The following TRPC4AP variants were observed in gnomAD, a reference collection of about 807,000 sequenced individuals.
TRPC4AP encodes transient receptor potential cation channel subfamily C member 4 associated protein.
TRPC4AP carries 45 observed loss-of-function variants against 99.0 expected under a neutral mutation model. That is an observed-to-expected ratio of 0.45 (90% CI 0.36 to 0.58). The LOEUF (loss-of-function observed/expected upper bound fraction) is 0.58. Ranked by LOEUF, TRPC4AP falls within the 20% of genes least tolerant of loss-of-function variation. TRPC4AP has a pLI of 0.00. For synonymous variants in TRPC4AP, 408 were observed against 385.8 expected, an observed-to-expected ratio of 1.06 and a Z score of -0.67; for missense variants, 879 against 985.3, an observed-to-expected ratio of 0.89 and a Z score of 1.44.
chr20:35,078,233 G>A (rs1022834188), intron 1 of TRPC4AP, 59 bp from the exon 2 acceptor site: 62 of 1,558,270 alleles, frequency 4.0e-5, no homozygotes, highest in African/African-American at 1.5e-4. Context: ...TAGCTGATAC[G>A]GCAAAGGAGA....
At chr20:35,068,932 T>G in intron 3 of TRPC4AP, among the ~76,000 whole-genome samples, 2 of 134,980 alleles carry the variant, frequency 1.5e-5, no homozygotes, top group Admixed American at 1.5e-4. Flanking sequence ...AAGGTGGAGG[T>G]GGTGGGGAAT....
intron 2 of TRPC4AP, among the ~76,000 whole-genome samples, chr20:35,073,680 T>C (rs1031195710): frequency 1.3e-5 from 2 of 152,230 alleles, no homozygotes; most frequent in African/African-American, 4.8e-5. Context: ...TTGCCAGTAT[T>C]TTATTGAGGA....
intron 2 of TRPC4AP, among the ~76,000 whole-genome samples, chr20:35,072,071 C>T (rs1295363764): frequency 6.6e-6 from 1 of 152,204 alleles, no homozygotes; most frequent in Non-Finnish European, 1.5e-5. Context: ...CTGTTGGCTG[C>T]ATAAACGTCT....
intron 7 of TRPC4AP, among the ~76,000 whole-genome samples, chr20:35,037,189 T>C (rs1487237832): frequency 6.7e-6 from 1 of 150,224 alleles, no homozygotes; most frequent in Non-Finnish European, 1.5e-5. Flanking sequence ...TACTAAGAAG[T>C]ACAAAAAATT....
chr20:35,024,833 A>C lies in TRPC4AP; in HGVS notation c.1052-3477T>G, dbSNP rs1242554930. ...ACAGAGAGAGACCGTCTCAAAAAAA[A>C]AAAAAAAAAAAAAAAAAAAAAATTC... On this transcript the variant is annotated intron_variant, in intron 8 of 18. Transcript: ENST00000252015. 6.1e-4 allele frequency among the ~76,000 whole-genome samples: 51 copies of C among 83,960 alleles called. 6 individuals are homozygous for C. Among genetic ancestry groups the C allele is most frequent in the African/African-American group, 1.6e-3 (41 of 25,192 alleles). The allele number at this position is 83,960 out of a possible 152,430, so 55.1% of individuals were successfully genotyped here.
chr20:35,072,001 A>G (rs1037673249), intron 2 of TRPC4AP, among the ~76,000 whole-genome samples: 95 of 152,220 alleles, frequency 6.2e-4, no homozygotes, highest in African/African-American at 2.2e-3. Flanking sequence ...ATGGTATCTC[A>G]TTGTGGTTTT....
At chr20:35,029,236 G>A (rs1475126000) in intron 8 of TRPC4AP, among the ~76,000 whole-genome samples, 1 of 152,168 alleles carries the variant, frequency 6.6e-6, no homozygotes, top group Non-Finnish European at 1.5e-5. Context: ...GTGACAGAGT[G>A]AGACTCTGTC....
chr20:35,036,102 A>T (rs2083310354), intron 7 of TRPC4AP, among the ~76,000 whole-genome samples: 1 of 152,242 alleles, frequency 6.6e-6, no homozygotes, highest in African/African-American at 2.4e-5. Flanking sequence ...ATCTCATTTT[A>T]TTCACAATGA....
At chr20:35,059,073 G>A (rs966469541) in intron 3 of TRPC4AP, among the ~76,000 whole-genome samples, 4 of 152,174 alleles carry the variant, frequency 2.6e-5, no homozygotes, top group Middle Eastern at 3.4e-3. Context: ...GCAAGCAAAA[G>A]GGAGAATAAG....
intron 2 of TRPC4AP, among the ~76,000 whole-genome samples, chr20:35,071,814 TGG>T (rs1368862791): frequency 6.6e-6 from 1 of 152,214 alleles, no homozygotes. Context: ...ATGGGATGGC[TGG>T]GTCAAATGGT....
chr20:35,079,153 T>TA (rs2084560128), intron 1 of TRPC4AP, among the ~76,000 whole-genome samples: 1 of 152,080 alleles, frequency 6.6e-6, no homozygotes, highest in Non-Finnish European at 1.5e-5. Context: ...GCAGGCTTCA[T>TA]AAAAAAATTA....
In TRPC4AP at chr20:35,092,552, CG is replaced by C. The variant is rs2085103845; in HGVS notation, c.168+61del. 3 of 1,412,180 alleles carry C rather than the reference CG, an allele frequency of 2.1e-6. No homozygotes were observed. The South Asian group carries it at 4.5e-5, about 21-fold the overall frequency. 87.5% of individuals were successfully genotyped at this position (1,412,180 alleles called of 1,614,324 possible). A position where few individuals can be genotyped will look rare whatever the true frequency, so the allele number is the denominator to read the frequency against. On this transcript the variant is annotated intron_variant, in intron 1 of 18. Transcript: ENST00000252015. ...CGGCGGCCTGGAAAGGCCTCTTCCC[CG>C]GCCCCCCGCCAGCTCCCGCCTGGTC... is the stretch of plus-strand genomic sequence containing the variant.
intron 3 of TRPC4AP, among the ~76,000 whole-genome samples, chr20:35,067,605 C>T (rs1201092781): frequency 1.3e-5 from 2 of 152,124 alleles, no homozygotes; most frequent in Non-Finnish European, 2.9e-5. Context: ...AGCAAAAAGA[C>T]GGAGGCAATC....
At chr20:35,090,785 T>C (rs992911787) in intron 1 of TRPC4AP, among the ~76,000 whole-genome samples, 5 of 152,200 alleles carry the variant, frequency 3.3e-5, no homozygotes, top group Non-Finnish European at 7.3e-5. Flanking sequence ...TGGCTCCCTA[T>C]TATTCTCAGA....
intron 5 of TRPC4AP, among the ~76,000 whole-genome samples, chr20:35,052,243 T>C (rs1261564886): frequency 6.7e-6 from 1 of 149,478 alleles, no homozygotes; most frequent in Non-Finnish European, 1.5e-5. Context: ...GGGACTATGG[T>C]ATATAACACC....
intron 2 of TRPC4AP, among the ~76,000 whole-genome samples, chr20:35,077,634 A>G (rs1463978583): frequency 6.6e-6 from 1 of 152,108 alleles, no homozygotes; most frequent in Non-Finnish European, 1.5e-5. Flanking sequence ...CAATCATCAA[A>G]CCTGGCCCCT....
intron 11 of TRPC4AP, 105 bp downstream of exon 11, chr20:35,012,903 G>A (rs2082669850): frequency 8.4e-7 from 1 of 1,195,344 alleles, no homozygotes. Context: ...GCTTCCACCA[G>A]CTCCAGGGCC....
Position 35,051,607 on chromosome 20 carries a change from T to G in TRPC4AP, c.529-1613A>C, listed in dbSNP as rs577311958. On this transcript the variant is annotated intron_variant, in intron 5 of 18. Coordinates refer to ENST00000252015, the MANE Select transcript of TRPC4AP (RefSeq NM_015638.3). ...CATTTCGGTTCTTCAGTCGTAGCAC[T>G]GACACATTAAAAAAAAAAAAAAAAA... is the stretch of plus-strand genomic sequence containing the variant. 6.2e-5 allele frequency among the ~76,000 whole-genome samples: 9 copies of G among 144,132 alleles called. No homozygotes were observed. In the South Asian group the frequency reaches 1.9e-3, roughly 31 times the overall value. The allele number at this position is 144,132 out of a possible 152,430, so 94.6% of individuals were successfully genotyped here.
At chr20:35,004,372 G>T (rs911900550) in intron 17 of TRPC4AP, 86 bp downstream of exon 17, 4 of 1,162,900 alleles carry the variant, frequency 3.4e-6, no homozygotes, top group African/African-American at 1.5e-5. Context: ...CTTCTGGAGT[G>T]GGGGACAGAA....
Sources: gnomAD v4.1 joint callset for allele counts (sites outside exome capture counted in the v4.1 genomes callset) on GRCh38, gnomAD v4.1.1 for gene constraint, MANE v1.5 for transcripts, NCBI Gene and HGNC (gene_info 2026-07-23, HGNC 2026-07-21) for gene names.